The following FOXO1 variants were observed in gnomAD, a reference collection of about 807,000 sequenced individuals.
FOXO1 encodes the protein forkhead box O1.
In FOXO1, 6 loss-of-function variants were observed where a neutral mutation model predicts 44.1. The ratio of observed to expected loss-of-function variants is 0.14; its 90% confidence interval spans 0.07 to 0.27. The LOEUF (loss-of-function observed/expected upper bound fraction) is 0.27, where lower values mean the gene tolerates loss of function less well. FOXO1 is among the 10% of genes least tolerant of loss of function. The pLI is 1.00. For missense variants in FOXO1, 737 were observed against 888.8 expected (o/e 0.83, Z 2.17); for synonymous variants, 380 against 362.7 (o/e 1.05, Z -0.54).
In FOXO1 at chr13:40,599,549, G is replaced by A. The variant is rs148688258; in HGVS notation, c.631-38689C>T. 5.1e-3 allele frequency among the ~76,000 whole-genome samples: 779 copies of A among 152,268 alleles called. 10 individuals carry two copies. Among genetic ancestry groups the A allele is most frequent in the African/African-American group, 0.018 (740 of 41,550 alleles). ...CTGTCACTTACTAGCACTTATGTTC[G>A]TTTTGTTTATTGAAATTTATACAAA... On this transcript the variant is annotated intron_variant, in intron 1 of 2. Coordinates refer to ENST00000379561, the MANE Select transcript of FOXO1 (RefSeq NM_002015.4).
At chr13:40,597,958 G>C (rs1875644736) in intron 1 of FOXO1, among the ~76,000 whole-genome samples, 1 of 152,202 alleles carries the variant, frequency 6.6e-6, no homozygotes, top group Non-Finnish European at 1.5e-5. Flanking sequence ...ATGGTGGCGG[G>C]CGGTGCTCGG....
intron 1 of FOXO1, among the ~76,000 whole-genome samples, chr13:40,626,277 A>G (rs1876783418): frequency 6.6e-6 from 1 of 152,238 alleles, no homozygotes; most frequent in Non-Finnish European, 1.5e-5. Context: ...GTAAAAGCTT[A>G]AAAGGATTCA....
At chr13:40,655,865 G>A (rs901118041) in intron 1 of FOXO1, among the ~76,000 whole-genome samples, 3 of 151,896 alleles carry the variant, frequency 2.0e-5, no homozygotes, top group Non-Finnish European at 4.4e-5. Flanking sequence ...GCCAACTCCT[G>A]GCTTCCAGTG....
At chr13:40,561,999 C>T (rs1874045403) in intron 1 of FOXO1, among the ~76,000 whole-genome samples, 1 of 151,196 alleles carries the variant, frequency 6.6e-6, no homozygotes, top group African/African-American at 2.4e-5. Context: ...GAATTAAAGG[C>T]CCCCAAATTA....
At chr13:40,640,064 T>C (rs370085408) in intron 1 of FOXO1, among the ~76,000 whole-genome samples, 23 of 152,338 alleles carry the variant, frequency 1.5e-4, no homozygotes, top group African/African-American at 5.5e-4. Context: ...CTACAGAACC[T>C]CTGCCCCCAC....
chr13:40,605,839 T>C (rs1453016666), intron 1 of FOXO1, among the ~76,000 whole-genome samples: 1 of 152,108 alleles, frequency 6.6e-6, no homozygotes, highest in Non-Finnish European at 1.5e-5. Flanking sequence ...GGCCACAAAT[T>C]ATACCAGTAA....
intron 1 of FOXO1, among the ~76,000 whole-genome samples, chr13:40,587,250 A>C (rs1875200025): frequency 1.4e-5 from 2 of 147,110 alleles, no homozygotes; most frequent in Admixed American, 1.4e-4. Context: ...CTGCCTGAGA[A>C]GGGCTCAGAA....
chr13:40,599,034 T>C (rs1875708802), intron 1 of FOXO1, among the ~76,000 whole-genome samples: 2 of 152,146 alleles, frequency 1.3e-5, no homozygotes, highest in African/African-American at 2.4e-5. Context: ...GTACAATGTT[T>C]TGGGGGAAGG....
At chr13:40,652,359 C>T (rs1229995194) in intron 1 of FOXO1, among the ~76,000 whole-genome samples, 3 of 149,588 alleles carry the variant, frequency 2.0e-5, no homozygotes, top group Non-Finnish European at 4.4e-5. Flanking sequence ...GATCTCCGCT[C>T]ACTGCAACCT....
intron 1 of FOXO1, among the ~76,000 whole-genome samples, chr13:40,631,076 A>G (rs1876946708): frequency 6.6e-6 from 1 of 152,188 alleles, no homozygotes; most frequent in Non-Finnish European, 1.5e-5. Flanking sequence ...GGATATAAAA[A>G]CATTATTGCC....
At chr13:40,565,226 T>C (rs1432077479) in intron 1 of FOXO1, among the ~76,000 whole-genome samples, 1 of 152,186 alleles carries the variant, frequency 6.6e-6, no homozygotes, top group Non-Finnish European at 1.5e-5. Flanking sequence ...GGAAACTATT[T>C]TGTGGAAGGA....
intron 1 of FOXO1, among the ~76,000 whole-genome samples, chr13:40,583,042 C>T (rs1221974771): frequency 6.6e-6 from 1 of 152,184 alleles, no homozygotes; most frequent in East Asian, 1.9e-4. Flanking sequence ...GACCCATGGG[C>T]TGCAGAACAG....
At chr13:40,585,885 G>A (rs767223124) in intron 1 of FOXO1, among the ~76,000 whole-genome samples, 14 of 152,244 alleles carry the variant, frequency 9.2e-5, no homozygotes, top group African/African-American at 3.4e-4. Flanking sequence ...TAGTACGTAA[G>A]TTTAACTAGT....
rs1411112026 is a variant in FOXO1, at chr13:40,666,370, G to A, written c.-158C>T. On this transcript the variant is annotated 5_prime_UTR_variant, in exon 1 of 3. Transcript: ENST00000379561. Reference sequence around the variant, plus strand: ...GAAACTGGGAGGAAGGCGCGGCGGAGTGGAAGCGCGAGCCCAGAACTTAAC... The same window carrying A: ...GAAACTGGGAGGAAGGCGCGGCGGAATGGAAGCGCGAGCCCAGAACTTAAC... 7.5e-6 allele frequency: 4 copies of A among 534,634 alleles called. No homozygotes were observed. Among genetic ancestry groups the A allele is most frequent in the Non-Finnish European group, 9.2e-6 (3 of 326,328 alleles). The allele number at this position is 534,634 out of a possible 1,614,324, so 33.1% of individuals were successfully genotyped here.
chr13:40,617,316 A>G (rs977297510), intron 1 of FOXO1, among the ~76,000 whole-genome samples: 6 of 152,104 alleles, frequency 3.9e-5, no homozygotes, highest in South Asian at 2.1e-4. Flanking sequence ...GTGGTGGCAC[A>G]TGCCTGTAAT....
At chr13:40,653,636 TAGG>T (rs1449407879) in intron 1 of FOXO1, among the ~76,000 whole-genome samples, 2 of 152,098 alleles carry the variant, frequency 1.3e-5, no homozygotes, top group Non-Finnish European at 2.9e-5. Flanking sequence ...AAATAAGACT[TAGG>T]AGGATTAATC....
At chr13:40,647,259 C>T (rs1274398063) in intron 1 of FOXO1, among the ~76,000 whole-genome samples, 3 of 152,198 alleles carry the variant, frequency 2.0e-5, no homozygotes, top group African/African-American at 4.8e-5. Context: ...AACCTCAAAC[C>T]CTAATTCTTT....
chr13:40,662,913 G>A (rs1432026135), intron 1 of FOXO1, among the ~76,000 whole-genome samples: 2 of 152,202 alleles, frequency 1.3e-5, no homozygotes, highest in East Asian at 3.9e-4. Flanking sequence ...TCAGATCTGA[G>A]AGTGAAACTT....
At chr13:40,594,950 G>T (rs963452097) in intron 1 of FOXO1, among the ~76,000 whole-genome samples, 1 of 152,152 alleles carries the variant, frequency 6.6e-6, no homozygotes, top group Non-Finnish European at 1.5e-5. Flanking sequence ...ACCTCCCAAA[G>T]TGCTGAGATT....
Sources: gnomAD v4.1 joint callset for allele counts (sites outside exome capture counted in the v4.1 genomes callset) on GRCh38, gnomAD v4.1.1 for gene constraint, MANE v1.5 for transcripts, NCBI Gene and HGNC (gene_info 2026-07-23, HGNC 2026-07-21) for gene names.